LAMA2: variants seen among roughly 807,000 people sequenced by gnomAD.
The protein encoded by LAMA2 is laminin subunit alpha 2.
A neutral mutation model predicts 364.8 loss-of-function variants in LAMA2; 269 were observed. The ratio of observed to expected loss-of-function variants is 0.74; its 90% confidence interval spans 0.67 to 0.82. The LOEUF (loss-of-function observed/expected upper bound fraction) is 0.82, where lower values mean the gene tolerates loss of function less well. Ranked by LOEUF, LAMA2 falls within the 40% of genes least tolerant of loss-of-function variation. LAMA2 has a pLI of 0.00. For missense variants in LAMA2, 3,807 were observed against 3,873.2 expected, an observed-to-expected ratio of 0.98 and a Z score of 0.45; for synonymous variants, 1,379 against 1,370.6, an observed-to-expected ratio of 1.01 and a Z score of -0.14.
intron 9 of LAMA2, among the ~76,000 whole-genome samples, chr6:129,169,080 C>G (rs1278043947): frequency 6.6e-6 from 1 of 152,102 alleles, no homozygotes; most frequent in Admixed American, 6.6e-5. Flanking sequence ...ATGGGGTTTT[C>G]TAGATATACA....
intron 1 of LAMA2, among the ~76,000 whole-genome samples, chr6:129,040,374 A>G (rs1035937331): frequency 2.0e-5 from 3 of 152,150 alleles, no homozygotes; most frequent in African/African-American, 7.2e-5. Context: ...TAATCTCAAC[A>G]GTTTGGGAGG....
chr6:129,455,549 A>G (rs1286602023), intron 47 of LAMA2, among the ~76,000 whole-genome samples: 2 of 152,194 alleles, frequency 1.3e-5, no homozygotes, highest in African/African-American at 4.8e-5. Flanking sequence ...CCAAAGTGAG[A>G]CAGCAGTCAG....
intron 3 of LAMA2, among the ~76,000 whole-genome samples, chr6:129,070,407 ACCT>A: frequency 6.6e-6 from 1 of 152,132 alleles, no homozygotes; most frequent in Non-Finnish European, 1.5e-5. Flanking sequence ...TTGAAATGAT[ACCT>A]ATGAGGTTCA....
chr6:129,340,007 A>C (rs1272447447), intron 29 of LAMA2, among the ~76,000 whole-genome samples: 2 of 151,916 alleles, frequency 1.3e-5, no homozygotes, highest in Admixed American at 6.6e-5. Flanking sequence ...CTCAAAAAAA[A>C]AAAAAAGAAA....
chr6:129,157,627 G>C, intron 8 of LAMA2: 1 of 1,612,008 alleles, frequency 6.2e-7, no homozygotes, highest in Non-Finnish European at 8.5e-7. Context: ...TCTGACATTA[G>C]CTTCAAAACT....
At chr6:129,124,688 T>C (rs1777008409) in intron 4 of LAMA2, among the ~76,000 whole-genome samples, 1 of 152,226 alleles carries the variant, frequency 6.6e-6, no homozygotes, top group Admixed American at 6.5e-5. Context: ...CCCAGACCCT[T>C]TGCAATCTTT....
At chr6:129,225,247 G>C (rs1489028670) in intron 12 of LAMA2, among the ~76,000 whole-genome samples, 1 of 152,034 alleles carries the variant, frequency 6.6e-6, no homozygotes, top group Non-Finnish European at 1.5e-5. Flanking sequence ...AGTCTTGCTA[G>C]CAGTCTATCA....
At chr6:129,123,996 T>C (rs142671942) in intron 4 of LAMA2, among the ~76,000 whole-genome samples, 105 of 152,312 alleles carry the variant, frequency 6.9e-4, no homozygotes, top group African/African-American at 2.5e-3. Flanking sequence ...TGCATACTTA[T>C]CTCCAAACTC....
chr6:129,152,037 A>T (rs1778837357), intron 7 of LAMA2, among the ~76,000 whole-genome samples: 1 of 152,178 alleles, frequency 6.6e-6, no homozygotes, highest in South Asian at 2.1e-4. Flanking sequence ...GCAGGTTGGG[A>T]AAGGTATTTA....
chr6:129,273,324 A>G (rs971722385), intron 17 of LAMA2, among the ~76,000 whole-genome samples: 1 of 152,144 alleles, frequency 6.6e-6, no homozygotes, highest in Non-Finnish European at 1.5e-5. Context: ...ACTAACTTGC[A>G]TTTGAGGAAA....
At chr6:129,345,350 G>T (rs1776488819) in intron 30 of LAMA2, among the ~76,000 whole-genome samples, 1 of 152,044 alleles carries the variant, frequency 6.6e-6, no homozygotes, top group South Asian at 2.1e-4. Flanking sequence ...GGTTTTGGTT[G>T]GTCCTGTAGT....
intron 12 of LAMA2, among the ~76,000 whole-genome samples, chr6:129,238,966 T>A (rs1785208928): frequency 1.3e-5 from 2 of 152,152 alleles, no homozygotes; most frequent in South Asian, 4.1e-4. Context: ...ATTTTAAAAA[T>A]CCAGATCATA....
chr6:129,477,387 C>T (rs1273713174), intron 53 of LAMA2, among the ~76,000 whole-genome samples: 1 of 152,158 alleles, frequency 6.6e-6, no homozygotes, highest in Non-Finnish European at 1.5e-5. Flanking sequence ...CACTGACATT[C>T]TGATAGCCTT....
intron 1 of LAMA2, among the ~76,000 whole-genome samples, chr6:129,035,436 A>G (rs1786567737): frequency 7.3e-6 from 1 of 137,582 alleles, no homozygotes; most frequent in African/African-American, 2.7e-5. Flanking sequence ...GTTAGCAAAT[A>G]TTTTCTGTCA....
intron 1 of LAMA2, among the ~76,000 whole-genome samples, chr6:129,024,524 C>T (rs949383587): frequency 6.6e-5 from 10 of 151,664 alleles, no homozygotes; most frequent in African/African-American, 1.9e-4. Context: ...GCTGGGATTA[C>T]AGGCACCTGC....
At chr6:129,331,599 C>T (rs918037462) in intron 29 of LAMA2, among the ~76,000 whole-genome samples, 6 of 151,980 alleles carry the variant, frequency 3.9e-5, no homozygotes, top group South Asian at 4.2e-4. Context: ...AATTCTACCC[C>T]TCTCCCGCTT....
In LAMA2 at chr6:129,154,590, G is replaced by A. The variant is rs1778996813; in HGVS notation, c.1113G>A (p.Lys371=). 3.7e-6 allele frequency: 6 copies of A among 1,613,936 alleles called. No homozygotes were observed. The highest frequency in any genetic ancestry group is 5.1e-6 in the Non-Finnish European group (6 of 1,179,820). Residue 371 remains lysine, a synonymous_variant, in exon 8 of 65, where the codon AAG becomes AAA. Transcript: ENST00000421865. The part of the protein sequence containing the change: ...RRNLSLNIRG[K]YIGGGVCINC... ...ATCTGAGTTTGAATATACGTGGAAA[G>A]TACATTGGAGGGGGTGTCTGCATTA...
intron 13 of LAMA2, among the ~76,000 whole-genome samples, chr6:129,250,626 T>C (rs556642234): frequency 6.6e-6 from 1 of 152,320 alleles, no homozygotes; most frequent in South Asian, 2.1e-4. Flanking sequence ...TTTATTTAGC[T>C]ATAGTTAAAT....
At chr6:129,194,457 A>G (rs1298736162) in intron 12 of LAMA2, among the ~76,000 whole-genome samples, 1 of 152,150 alleles carries the variant, frequency 6.6e-6, no homozygotes, top group Non-Finnish European at 1.5e-5. Flanking sequence ...AAGAATTTGG[A>G]CATCCCATTA....
Sources: gnomAD v4.1 joint callset for allele counts (sites outside exome capture counted in the v4.1 genomes callset) on GRCh38, gnomAD v4.1.1 for gene constraint, MANE v1.5 for transcripts, NCBI Gene and HGNC (gene_info 2026-07-23, HGNC 2026-07-21) for gene names.